TRANK1: variants seen among roughly 807,000 people sequenced by gnomAD.
The protein encoded by TRANK1 is tetratricopeptide repeat and ankyrin repeat containing 1.
In TRANK1, 198 loss-of-function variants were observed where a neutral mutation model predicts 266.0. That is an observed-to-expected ratio of 0.74 (90% CI 0.66 to 0.84). The LOEUF is 0.84. Among genes scored for constraint, TRANK1 ranks in the 40% least tolerant of loss-of-function variants. The pLI is 0.00. For synonymous variants in TRANK1, 1,396 were observed against 1,384.1 expected (o/e 1.01, Z -0.19); for missense variants, 3,326 against 3,634.6 (o/e 0.92, Z 2.18).
chr3:36,886,132 T>G (rs1394015677), intron 8 of TRANK1, among the ~76,000 whole-genome samples: 56 of 67,412 alleles, frequency 8.3e-4, no homozygotes, highest in African/African-American at 1.9e-3. Context: ...TGTTGTTGTT[T>G]TTTTTTTTTT....
intron 15 of TRANK1, among the ~76,000 whole-genome samples, chr3:36,848,074 A>G (rs2078938798): frequency 6.6e-6 from 1 of 152,210 alleles, no homozygotes; most frequent in East Asian, 1.9e-4. Flanking sequence ...TAAAATGTCA[A>G]ATAATAAATA....
intron 11 of TRANK1, among the ~76,000 whole-genome samples, chr3:36,859,191 T>C (rs771035857): frequency 1.1e-4 from 16 of 151,656 alleles, no homozygotes; most frequent in Non-Finnish European, 1.9e-4. Flanking sequence ...GGACAGGGCA[T>C]GAGAACTGAA....
At chr3:36,866,681 T>C (rs955107964) in intron 9 of TRANK1, among the ~76,000 whole-genome samples, 1 of 152,120 alleles carries the variant, frequency 6.6e-6, no homozygotes, top group African/African-American at 2.4e-5. Flanking sequence ...TTCCCAGACA[T>C]TTCTGGTTTA....
chr3:36,867,471 G>T (rs1485282612), intron 9 of TRANK1, among the ~76,000 whole-genome samples: 1 of 152,200 alleles, frequency 6.6e-6, no homozygotes, highest in Non-Finnish European at 1.5e-5. Flanking sequence ...CAAACATCAG[G>T]AAAGAAATCA....
In TRANK1 at chr3:36,838,452, CT is replaced by C; in HGVS notation, c.5436del (p.Glu1813SerfsTer9). The C allele has an allele frequency of 6.2e-7, 1 of 1,614,066 alleles. No homozygotes were observed. The highest frequency in any genetic ancestry group is 8.5e-7 in the Non-Finnish European group (1 of 1,179,902). ...LELAKTYLEC[K>X]EPTLSLKCLS... is the part of the protein sequence containing the mutation. ...AGACACTTAAGGGACAGTGTTGGCT[CT>C]TTGCACTCCAAATAGGTCTTAGCCA... On this transcript the variant is annotated frameshift_variant, in exon 20 of 24. Coordinates refer to ENST00000645898, the MANE Select transcript of TRANK1 (RefSeq NM_001329998.2). LOFTEE classifies it high-confidence loss of function.
At position 36,836,516 on chromosome 3, in the gene TRANK1, A is replaced by G. The variant is rs566701843; in HGVS notation, c.5518-1609T>C. On this transcript the variant is annotated intron_variant, in intron 20 of 23. Transcript: ENST00000645898. ...ATATGTATAGAAGACACCACTATTCATTTTTCAATAATGCATGCATTTGAG... is the reference window on the plus strand; with the variant it reads ...ATATGTATAGAAGACACCACTATTCGTTTTTCAATAATGCATGCATTTGAG... Among the ~76,000 whole-genome samples the G allele has an allele frequency of 2.6e-5, 4 of 152,354 alleles. No individual in the cohort carries two copies. In the East Asian group the frequency reaches 7.7e-4, roughly 29 times the overall value.
intron 20 of TRANK1, among the ~76,000 whole-genome samples, 189 bp from the exon 21 acceptor site, chr3:36,835,096 G>T (rs1035695385): frequency 6.6e-6 from 1 of 151,858 alleles, no homozygotes; most frequent in Non-Finnish European, 1.5e-5. Context: ...GAGGCGGGCG[G>T]ATCACGAGGT....
Position 36,897,463 on chromosome 3 carries a change from C to T in TRANK1, c.433+1646G>A, listed in dbSNP as rs534142894. Reference sequence around the variant, plus strand: ...CCCTGTCTAGGGGACATGGCTGCACCTGCCTCTAACTCCTTCCCACTGCCT... The same window carrying T: ...CCCTGTCTAGGGGACATGGCTGCACTTGCCTCTAACTCCTTCCCACTGCCT... On this transcript the variant is annotated intron_variant, in intron 4 of 23. Transcript: ENST00000645898. Among the ~76,000 whole-genome samples, 11 of 152,288 alleles carry T rather than the reference C, an allele frequency of 7.2e-5. No individual in the cohort carries two copies. The South Asian group carries it at 2.1e-3, about 29-fold the overall frequency.
At chr3:36,879,797 AATAT>A (rs1474824361) in intron 8 of TRANK1, among the ~76,000 whole-genome samples, 1 of 70,286 alleles carries the variant, frequency 1.4e-5, no homozygotes, top group Non-Finnish European at 2.7e-5. Flanking sequence ...TAAATATATA[AATAT>A]ACAAATATAT....
chr3:36,882,029 A>T (rs1407407433), intron 8 of TRANK1, among the ~76,000 whole-genome samples: 1 of 152,198 alleles, frequency 6.6e-6, no homozygotes, highest in Non-Finnish European at 1.5e-5. Flanking sequence ...TCTGGCTATT[A>T]TGAATAATGC....
chr3:36,855,201 C>T lies in TRANK1; in HGVS notation c.4521G>A (p.Gln1507=). Residue 1507 remains glutamine, a synonymous_variant, in exon 13 of 24, where the codon CAG becomes CAA. Coordinates refer to ENST00000645898, the MANE Select transcript of TRANK1 (RefSeq NM_001329998.2). Reference sequence around the variant, plus strand: ...AGTGGGACCTGTAATTCTGGTACAGCTGGTGGATCTTCTTGGGCTTCCGGA... The same window carrying T: ...AGTGGGACCTGTAATTCTGGTACAGTTGGTGGATCTTCTTGGGCTTCCGGA... ...CAVRKPKKIH[Q]LYQNYRSHSG... 6.2e-7 allele frequency: 1 copy of T among 1,612,770 alleles called. No individual in the cohort carries two copies. Among genetic ancestry groups the T allele is most frequent in the Admixed American group, 1.7e-5 (1 of 59,994 alleles).
At position 36,829,618 on chromosome 3, in the gene TRANK1, C is replaced by T; in HGVS notation, c.8755G>A (p.Val2919Ile). The T allele has an allele frequency of 6.2e-7, 1 of 1,614,020 alleles. No individual in the cohort carries two copies. The highest frequency in any genetic ancestry group is 8.5e-7 in the Non-Finnish European group (1 of 1,179,892). The stretch of plus-strand genomic sequence containing the variant: ...ATCAACCAGTCTCGTGCATCCCTGA[C>T]TGACAGGATCAGAATGTTGACCAGC... ...TRLVNILILS[V>I]RDARDWLMKT... The change falls in exon 23 of 24, where the codon GTC becomes ATC. Residue 2919 changes from valine (V) to isoleucine (I), a missense_variant. Transcript: ENST00000645898.
In TRANK1 at chr3:36,852,259, G is replaced by C. The variant is rs2078994626; in HGVS notation, c.4636C>G (p.Leu1546Val). 6.2e-7 allele frequency: 1 copy of C among 1,613,734 alleles called. No homozygotes were observed. Among genetic ancestry groups the C allele is most frequent in the Admixed American group, 1.7e-5 (1 of 59,974 alleles). Residue 1546 changes from leucine (L) to valine (V), a missense_variant, in exon 14 of 24, where the codon CTC becomes GTC. Leu to Val is a conservative substitution (Grantham distance 32). Coordinates refer to ENST00000645898, the MANE Select transcript of TRANK1 (RefSeq NM_001329998.2). ...SFDRLPRDSG[L>V]FDGPKPTVLE... is the part of the protein sequence containing the mutation. ...ACAGTTGGCTTAGGACCATCAAAGAGGCCAGAATCCCTTGGAAGGCGATCA... is the reference window on the plus strand; with the variant it reads ...ACAGTTGGCTTAGGACCATCAAAGACGCCAGAATCCCTTGGAAGGCGATCA...
At chr3:36,890,107 A>T (rs1387918980) in intron 7 of TRANK1, 147 bp from the exon 8 acceptor site, 2 of 1,068,442 alleles carry the variant, frequency 1.9e-6, no homozygotes, top group Non-Finnish European at 2.6e-6. Flanking sequence ...CCAAATGAGG[A>T]ATCCAACATA....
At chr3:36,865,066 C>T (rs1345830394) in intron 9 of TRANK1, among the ~76,000 whole-genome samples, 8 of 117,840 alleles carry the variant, frequency 6.8e-5, no homozygotes, top group Non-Finnish European at 1.1e-4. Flanking sequence ...CTTACTCTAT[C>T]GCCCAGGCTG....
At chr3:36,914,150 T>C (rs140786017) in intron 1 of TRANK1, among the ~76,000 whole-genome samples, 4 of 152,234 alleles carry the variant, frequency 2.6e-5, no homozygotes, top group African/African-American at 9.6e-5. Context: ...TGTTTTTTTT[T>C]TGAGACTGAG....
chr3:36,910,777 A>G (rs535037916), intron 1 of TRANK1, among the ~76,000 whole-genome samples: 51 of 150,752 alleles, frequency 3.4e-4, no homozygotes, highest in Non-Finnish European at 5.9e-4. Flanking sequence ...TCATGTTGCA[A>G]AAGACCCAGT....
chr3:36,850,942 C>T, intron 15 of TRANK1: 1 of 985,486 alleles, frequency 1.0e-6, no homozygotes, highest in Non-Finnish European at 1.2e-6. Flanking sequence ...CAGCTAAGTC[C>T]CCAGAGAAGA....
At chr3:36,929,077 A>ATAAATAAAATAAAT (rs2080326531) in intron 1 of TRANK1, among the ~76,000 whole-genome samples, 1 of 152,160 alleles carries the variant, frequency 6.6e-6, no homozygotes, top group Non-Finnish European at 1.5e-5. Flanking sequence ...ATCAAATAAA[A>ATAAATAAAATAAAT]CAAATAAATA....
Sources: gnomAD v4.1 joint callset for allele counts (sites outside exome capture counted in the v4.1 genomes callset) on GRCh38, gnomAD v4.1.1 for gene constraint, MANE v1.5 for transcripts, NCBI Gene and HGNC (gene_info 2026-07-23, HGNC 2026-07-21) for gene names.